CACNA2D1: variants seen among roughly 807,000 people sequenced by gnomAD.
CACNA2D1 encodes calcium voltage-gated channel auxiliary subunit alpha2delta 1.
CACNA2D1 carries 53 observed loss-of-function variants against 171.5 expected under a neutral mutation model. The observed-to-expected ratio is 0.31, with a 90% CI of 0.25 to 0.39. CACNA2D1 has a LOEUF of 0.39. Ranked by LOEUF, CACNA2D1 falls within the 10% of genes least tolerant of loss-of-function variation. CACNA2D1 has a pLI of 1.00. For missense variants in CACNA2D1, 903 were observed against 1,299.8 expected, an observed-to-expected ratio of 0.69 and a Z score of 4.69; for synonymous variants, 442 against 443.1, an observed-to-expected ratio of 1.00 and a Z score of 0.03.
intron 1 of CACNA2D1, among the ~76,000 whole-genome samples, chr7:82,413,123 C>T (rs1464999210): frequency 1.3e-5 from 2 of 152,084 alleles, no homozygotes; most frequent in African/African-American, 4.8e-5. Flanking sequence ...GATAAGACTA[C>T]CTCAGTATTT....
intron 1 of CACNA2D1, among the ~76,000 whole-genome samples, chr7:82,418,906 C>T (rs1476357749): frequency 1.3e-5 from 2 of 151,894 alleles, no homozygotes; most frequent in African/African-American, 2.4e-5. Context: ...ATCACGAGGT[C>T]AGGAGATCGA....
intron 3 of CACNA2D1, among the ~76,000 whole-genome samples, chr7:82,226,184 C>T (rs1213403810): frequency 6.6e-6 from 1 of 152,036 alleles, no homozygotes; most frequent in Non-Finnish European, 1.5e-5. Context: ...TGTCATAAAC[C>T]AAAGACTCAT....
chr7:82,042,716 C>T (rs779684474), intron 10 of CACNA2D1, among the ~76,000 whole-genome samples: 2 of 152,076 alleles, frequency 1.3e-5, no homozygotes, highest in African/African-American at 2.4e-5. Flanking sequence ...ATCTCTTGTT[C>T]CTTCTGCCAA....
At chr7:82,005,952 A>C (rs1241110359) in intron 16 of CACNA2D1, 113 bp from the exon 17 acceptor site, 2 of 739,276 alleles carry the variant, frequency 2.7e-6, no homozygotes, top group Non-Finnish European at 5.0e-6. Flanking sequence ...CATTAGTTTA[A>C]ATGTATATAT....
At chr7:82,028,032 G>A (rs1802161326) in intron 12 of CACNA2D1, 1 of 151,818 alleles carries the variant, frequency 6.6e-6, no homozygotes, top group South Asian at 2.1e-4. Context: ...TCAATGTAGA[G>A]AAAACAGCCT....
At chr7:82,335,848 A>C in intron 2 of CACNA2D1, among the ~76,000 whole-genome samples, 1 of 152,194 alleles carries the variant, frequency 6.6e-6, no homozygotes, top group Non-Finnish European at 1.5e-5. Context: ...GTTAGTTTTT[A>C]ATCACTGAAT....
intron 6 of CACNA2D1, among the ~76,000 whole-genome samples, chr7:82,113,896 C>T (rs969321712): frequency 2.0e-5 from 3 of 152,142 alleles, no homozygotes; most frequent in African/African-American, 7.2e-5. Flanking sequence ...GATGAGATTT[C>T]AGCAAAGATG....
intron 3 of CACNA2D1, among the ~76,000 whole-genome samples, chr7:82,297,250 A>T (rs1164086247): frequency 6.6e-6 from 1 of 151,918 alleles, no homozygotes; most frequent in Non-Finnish European, 1.5e-5. Context: ...TGTCTCAAAA[A>T]ATAAACAAAT....
chr7:82,305,719 A>C (rs1428127695), intron 3 of CACNA2D1, among the ~76,000 whole-genome samples: 1 of 152,192 alleles, frequency 6.6e-6, no homozygotes, highest in Non-Finnish European at 1.5e-5. Context: ...GTGCACAAAT[A>C]ATAAATTTAT....
chr7:82,189,496 T>G (rs959145268), intron 3 of CACNA2D1, among the ~76,000 whole-genome samples: 1 of 151,924 alleles, frequency 6.6e-6, no homozygotes, highest in African/African-American at 2.4e-5. Flanking sequence ...GATGAGAAAT[T>G]TTCTTGGCAC....
intron 4 of CACNA2D1, among the ~76,000 whole-genome samples, chr7:82,161,195 G>C (rs924705213): frequency 2.7e-4 from 41 of 152,036 alleles, no homozygotes; most frequent in Non-Finnish European, 8.8e-5. Flanking sequence ...TGTATCTTCA[G>C]AGATGAGGAT....
At chr7:82,392,082 G>A (rs1174477662) in intron 1 of CACNA2D1, among the ~76,000 whole-genome samples, 2 of 152,092 alleles carry the variant, frequency 1.3e-5, no homozygotes, top group African/African-American at 2.4e-5. Context: ...TAAATCCATG[G>A]ACTGGATTAA....
chr7:81,995,798 CAAAAA>C (rs59979323), intron 19 of CACNA2D1, among the ~76,000 whole-genome samples: 1 of 101,534 alleles, frequency 9.8e-6, no homozygotes, highest in Non-Finnish European at 2.1e-5. Context: ...GACTCCACCT[CAAAAA>C]AAAAAAAAAA....
At chr7:82,402,187 T>C (rs952936839) in intron 1 of CACNA2D1, among the ~76,000 whole-genome samples, 3 of 152,130 alleles carry the variant, frequency 2.0e-5, no homozygotes, top group Non-Finnish European at 2.9e-5. Flanking sequence ...TGGGAAAGAA[T>C]AGGCAAAGGA....
intron 3 of CACNA2D1, among the ~76,000 whole-genome samples, chr7:82,310,376 A>G (rs79568433): frequency 0.12 from 18,940 of 151,938 alleles, 1,606 homozygotes; most frequent in African/African-American, 0.23. Flanking sequence ...GTTTAGAGGT[A>G]ATTTAAAGGT....
intron 4 of CACNA2D1, among the ~76,000 whole-genome samples, chr7:82,148,324 GA>G (rs77224134): frequency 0.016 from 1,832 of 111,486 alleles, 19 homozygotes; most frequent in South Asian, 0.035. Context: ...GGCATAGTTA[GA>G]AAAAAAAAAA....
intron 7 of CACNA2D1, among the ~76,000 whole-genome samples, chr7:82,070,140 T>C (rs1412789019): frequency 6.6e-6 from 1 of 152,162 alleles, no homozygotes; most frequent in East Asian, 1.9e-4. Context: ...CATCCCAGAA[T>C]GGATCCTCCA....
intron 3 of CACNA2D1, among the ~76,000 whole-genome samples, chr7:82,248,684 T>G (rs1329806515): frequency 2.6e-5 from 4 of 152,030 alleles, no homozygotes; most frequent in African/African-American, 9.7e-5. Context: ...CATCTCAAAT[T>G]ATAAAACAGA....
chr7:82,114,910 A>C (rs1788867605), intron 6 of CACNA2D1, among the ~76,000 whole-genome samples: 1 of 152,224 alleles, frequency 6.6e-6, no homozygotes, highest in Admixed American at 6.5e-5. Context: ...TGTTGTAAAC[A>C]AAATGTTCAT....
Sources: allele counts gnomAD v4.1 joint callset (sites outside exome capture counted in the v4.1 genomes callset), GRCh38; gene constraint gnomAD v4.1.1; transcripts MANE v1.5; gene names NCBI Gene and HGNC (gene_info 2026-07-23, HGNC 2026-07-21).